VPS13B: variants seen among roughly 807,000 people sequenced by gnomAD.
The protein encoded by VPS13B is vacuolar protein sorting 13 homolog B, also known as intermembrane lipid transfer protein VPS13B.
VPS13B carries 285 observed loss-of-function variants against 426.4 expected under a neutral mutation model. The ratio of observed to expected loss-of-function variants is 0.67; its 90% CI spans 0.61 to 0.74. VPS13B has a LOEUF of 0.74. Ranked by LOEUF, VPS13B falls within the 30% of genes least tolerant of loss-of-function variation. VPS13B has a pLI of 0.00. For missense variants in VPS13B, 4,537 were observed against 4,782.6 expected (o/e 0.95, Z 1.51); for synonymous variants, 1,676 against 1,676.4 (o/e 1.00, Z 0.01).
chr8:99,378,890 A>G (rs1416774867), intron 19 of VPS13B, among the ~76,000 whole-genome samples: 4 of 152,154 alleles, frequency 2.6e-5, no homozygotes, highest in African/African-American at 9.7e-5. Context: ...TCTCAAAGTG[A>G]CAACTTTTTT....
At chr8:99,717,494 A>G in intron 37 of VPS13B, 121 bp downstream of exon 37, 1 of 925,352 alleles carries the variant, frequency 1.1e-6, no homozygotes, top group Admixed American at 2.1e-5. Context: ...TCAGATTGCT[A>G]CTTGTTAAAT....
rs572269249 is a variant in VPS13B, at chr8:99,575,585, A to G, written c.4950-73A>G. 4.2e-5 allele frequency: 67 copies of G among 1,580,964 alleles called. No homozygotes were observed. In the African/African-American group the frequency reaches 5.5e-4, roughly 13 times the overall value. On this transcript the variant is annotated intron_variant, in intron 31 of 61. Coordinates refer to ENST00000357162, the MANE Select transcript of VPS13B (RefSeq NM_152564.5). Reference sequence around the variant, plus strand: ...TGCCATACATGTTTGTAGTACAAAGACTTGTACAAATTTAATGAAAATTGT... The same window carrying G: ...TGCCATACATGTTTGTAGTACAAAGGCTTGTACAAATTTAATGAAAATTGT...
chr8:99,642,595 A>C, intron 34 of VPS13B, 97 bp downstream of exon 34: 1 of 1,108,890 alleles, frequency 9.0e-7, no homozygotes, highest in Non-Finnish European at 1.3e-6. Context: ...CAGCTGGCAG[A>C]CAAAAGTCTT....
chr8:99,326,452 C>CCTTTTTTT (rs1810266622), intron 19 of VPS13B, among the ~76,000 whole-genome samples: 1 of 32,518 alleles, frequency 3.1e-5, no homozygotes, highest in Non-Finnish European at 5.2e-5. Context: ...CTCTAGGTAG[C>CCTTTTTTT]TTTTTTTTTT....
chr8:99,313,747 C>G (rs559989747), intron 19 of VPS13B, among the ~76,000 whole-genome samples: 2 of 152,326 alleles, frequency 1.3e-5, no homozygotes, highest in Non-Finnish European at 2.9e-5. Flanking sequence ...TTCTGTTTGC[C>G]TATGCCCTGT....
At chr8:99,523,117 GC>G (rs1234837102) in intron 30 of VPS13B, among the ~76,000 whole-genome samples, 1 of 152,146 alleles carries the variant, frequency 6.6e-6, no homozygotes, top group Non-Finnish European at 1.5e-5. Context: ...ATTAGTGGTT[GC>G]CAGGGCCTGC....
intron 39 of VPS13B, among the ~76,000 whole-genome samples, chr8:99,763,653 G>A (rs1030277659): frequency 6.6e-6 from 1 of 152,158 alleles, no homozygotes; most frequent in Non-Finnish European, 1.5e-5. Context: ...TTAGACCTGA[G>A]ACAGTGAGAA....
At chr8:99,139,530 C>T (rs373121940) in intron 12 of VPS13B, among the ~76,000 whole-genome samples, 16 of 151,694 alleles carry the variant, frequency 1.1e-4, no homozygotes, top group East Asian at 3.9e-4. Flanking sequence ...CTCCGCCTCC[C>T]GGGTTCATGC....
rs202066242 is a variant in VPS13B, at chr8:99,096,281, T to C, written c.292-31T>C. ...CTTAATTCTTGAGTATGATCGATGGTTTTCTTTTTCTTTCTTTAAAATAAA... is the reference window on the plus strand; with the variant it reads ...CTTAATTCTTGAGTATGATCGATGGCTTTCTTTTTCTTTCTTTAAAATAAA... On this transcript the variant is annotated intron_variant, in intron 3 of 61. Transcript: ENST00000357162. 1.5e-4 allele frequency: 248 copies of C among 1,612,642 alleles called. No individual in the cohort carries two copies. In the African/African-American group the frequency reaches 2.7e-3, roughly 17 times the overall value.
chr8:99,302,249 A>T (rs1820409502), intron 19 of VPS13B, among the ~76,000 whole-genome samples: 1 of 152,186 alleles, frequency 6.6e-6, no homozygotes, highest in African/African-American at 2.4e-5. Context: ...TAGTATTTTG[A>T]TGCTAAATAC....
At chr8:99,309,251 T>C (rs544065946) in intron 19 of VPS13B, among the ~76,000 whole-genome samples, 1 of 152,338 alleles carries the variant, frequency 6.6e-6, no homozygotes, top group African/African-American at 2.4e-5. Context: ...TATGAAGTCA[T>C]TGCCCATGCC....
chr8:99,065,095 G>A (rs1844410733), intron 3 of VPS13B, among the ~76,000 whole-genome samples: 1 of 152,136 alleles, frequency 6.6e-6, no homozygotes, highest in African/African-American at 2.4e-5. Context: ...CCCTAAAAGA[G>A]CTCCTGAAGG....
intron 19 of VPS13B, among the ~76,000 whole-genome samples, chr8:99,322,054 AT>A (rs988574303): frequency 1.3e-5 from 2 of 152,134 alleles, no homozygotes. Context: ...TTAGACCCTT[AT>A]TTGCTCACTG....
intron 35 of VPS13B, chr8:99,696,719 T>C: frequency 3.2e-6 from 3 of 945,622 alleles, no homozygotes; most frequent in Non-Finnish European, 5.2e-6. Flanking sequence ...GACTTCTCCG[T>C]TTTCCCAGAA....
At chr8:99,125,893 G>A (rs1848167929) in intron 8 of VPS13B, among the ~76,000 whole-genome samples, 1 of 152,036 alleles carries the variant, frequency 6.6e-6, no homozygotes, top group Non-Finnish European at 1.5e-5. Context: ...GCACAGAAAT[G>A]GGGAAATAGC....
chr8:99,775,592 C>G (rs1450313586), intron 40 of VPS13B, among the ~76,000 whole-genome samples: 6 of 152,152 alleles, frequency 3.9e-5, no homozygotes, highest in Non-Finnish European at 5.9e-5. Flanking sequence ...TCACTATTCA[C>G]TTTAATCAGA....
chr8:99,571,017 T>C (rs1475622143), intron 31 of VPS13B, among the ~76,000 whole-genome samples: 2 of 152,212 alleles, frequency 1.3e-5, no homozygotes, highest in Non-Finnish European at 2.9e-5. Context: ...ACAGGCAAAC[T>C]TTCTTATTCT....
intron 17 of VPS13B, among the ~76,000 whole-genome samples, chr8:99,236,598 TAA>T (rs1816665967): frequency 6.6e-6 from 1 of 152,224 alleles, no homozygotes; most frequent in Non-Finnish European, 1.5e-5. Flanking sequence ...TTAATGACTT[TAA>T]AGTTTGAAAC....
At chr8:99,834,545 TA>T (rs760457786) in intron 52 of VPS13B, among the ~76,000 whole-genome samples, 3,998 of 146,460 alleles carry the variant, frequency 0.027, 83 homozygotes, top group Non-Finnish European at 0.042. Flanking sequence ...TTTTATTTTT[TA>T]TTTTTTTTGA....
Sources: gnomAD v4.1 joint callset for allele counts (sites outside exome capture counted in the v4.1 genomes callset) on GRCh38, gnomAD v4.1.1 for gene constraint, MANE v1.5 for transcripts, NCBI Gene and HGNC (gene_info 2026-07-23, HGNC 2026-07-21) for gene names.